USP3: variants seen among roughly 807,000 people sequenced by gnomAD.
USP3 encodes ubiquitin specific peptidase 3.
USP3 carries 20 observed loss-of-function variants against 72.3 expected under a neutral mutation model. The ratio of observed to expected loss-of-function variants is 0.28; its 90% CI spans 0.19 to 0.40. USP3 has a LOEUF of 0.40. Among genes scored for constraint, USP3 ranks in the 10% least tolerant of loss-of-function variants. USP3 has a pLI of 1.00. For missense variants in USP3, 479 were observed against 633.9 expected, an observed-to-expected ratio of 0.76 and a Z score of 2.62; for synonymous variants, 222 against 225.3, an observed-to-expected ratio of 0.99 and a Z score of 0.13.
chr15:63,543,513 G>A (rs2152664893), intron 3 of USP3, among the ~76,000 whole-genome samples: 1 of 152,306 alleles, frequency 6.6e-6, no homozygotes, highest in East Asian at 1.9e-4. Context: ...TTTGATGATT[G>A]TGTGCCATGA....
intron 11 of USP3, among the ~76,000 whole-genome samples, chr15:63,575,948 C>T (rs2066855482): frequency 6.6e-6 from 1 of 151,608 alleles, no homozygotes; most frequent in Non-Finnish European, 1.5e-5. Context: ...AAAAACTGTT[C>T]CTCGCTATAA....
At chr15:63,540,321 C>CGA (rs2066225665) in intron 3 of USP3, among the ~76,000 whole-genome samples, 1 of 152,214 alleles carries the variant, frequency 6.6e-6, no homozygotes, top group Admixed American at 6.5e-5. Context: ...CCTGAACTCA[C>CGA]AGCTCTTGGA....
At chr15:63,514,843 CACT>C (rs2065831100) in intron 1 of USP3, among the ~76,000 whole-genome samples, 1 of 152,046 alleles carries the variant, frequency 6.6e-6, no homozygotes. Flanking sequence ...GAAGTGCCAC[CACT>C]GTTTCACCAT....
intron 11 of USP3, among the ~76,000 whole-genome samples, chr15:63,584,472 C>T (rs1346605927): frequency 6.6e-6 from 1 of 152,168 alleles, no homozygotes; most frequent in Non-Finnish European, 1.5e-5. Context: ...TTTTAAATAA[C>T]AGCCATCCTA....
chr15:63,576,048 G>A (rs959621405), intron 11 of USP3, among the ~76,000 whole-genome samples: 4 of 148,574 alleles, frequency 2.7e-5, no homozygotes, highest in Non-Finnish European at 4.4e-5. Flanking sequence ...GTGCAGTGGC[G>A]CGATCTTGGC....
chr15:63,538,411 C>T (rs2066191688), intron 3 of USP3, among the ~76,000 whole-genome samples: 1 of 152,028 alleles, frequency 6.6e-6, no homozygotes, highest in Non-Finnish European at 1.5e-5. Flanking sequence ...TTAGAGAAGT[C>T]CAGATAACAA....
chr15:63,578,448 CAAA>C (rs760254496), intron 11 of USP3, among the ~76,000 whole-genome samples: 7 of 131,666 alleles, frequency 5.3e-5, no homozygotes, highest in African/African-American at 1.9e-4. Context: ...ACTAAAAATA[CAAA>C]AAAAAAAAAA....
intron 3 of USP3, among the ~76,000 whole-genome samples, chr15:63,546,706 TCTC>T (rs1404645932): frequency 2.0e-5 from 3 of 152,124 alleles, no homozygotes; most frequent in Non-Finnish European, 4.4e-5. Context: ...TTCACGCCAT[TCTC>T]CTGCCTCAGC....
chr15:63,534,916 G>GA (rs2066133132), intron 2 of USP3, among the ~76,000 whole-genome samples: 1 of 78,110 alleles, frequency 1.3e-5, no homozygotes. Flanking sequence ...CCTTTTATTT[G>GA]TTTATTTATT....
chr15:63,547,450 C>G (rs1245255951), intron 3 of USP3, among the ~76,000 whole-genome samples: 1 of 151,966 alleles, frequency 6.6e-6, no homozygotes, highest in Non-Finnish European at 1.5e-5. Flanking sequence ...TGAGTTATGG[C>G]CGGGCATAGT....
At chr15:63,509,324 A>G (rs1448197668) in intron 1 of USP3, among the ~76,000 whole-genome samples, 1 of 152,218 alleles carries the variant, frequency 6.6e-6, no homozygotes, top group Non-Finnish European at 1.5e-5. Flanking sequence ...TAAAGGAACT[A>G]TCACTTAGAT....
At chr15:63,508,602 T>C (rs184472560) in intron 1 of USP3, among the ~76,000 whole-genome samples, 106 of 152,336 alleles carry the variant, frequency 7.0e-4, no homozygotes, top group African/African-American at 2.5e-3. Context: ...CTTTTTGTTA[T>C]GTGCACATAC....
chr15:63,521,956 A>G (rs1053970444), intron 1 of USP3, among the ~76,000 whole-genome samples: 1 of 152,146 alleles, frequency 6.6e-6, no homozygotes, highest in Non-Finnish European at 1.5e-5. Flanking sequence ...TGATTTGTTT[A>G]TTTGAGACAA....
chr15:63,558,717 A>C (rs1426227417), intron 6 of USP3, among the ~76,000 whole-genome samples: 1 of 151,972 alleles, frequency 6.6e-6, no homozygotes, highest in African/African-American at 2.4e-5. Flanking sequence ...TCTACTAAAA[A>C]TACAAAAATT....
intron 9 of USP3, among the ~76,000 whole-genome samples, chr15:63,573,499 A>G (rs1209473851): frequency 6.6e-6 from 1 of 152,260 alleles, no homozygotes. Context: ...AGAATTTTCA[A>G]TTGTGAAGTC....
At chr15:63,581,547 C>G (rs2066962530) in intron 11 of USP3, among the ~76,000 whole-genome samples, 1 of 127,980 alleles carries the variant, frequency 7.8e-6, no homozygotes, top group African/African-American at 3.0e-5. Context: ...CCACACCCGG[C>G]TAATTTTTTT....
chr15:63,554,369 T>C (rs1222590741), intron 4 of USP3, among the ~76,000 whole-genome samples: 3 of 152,188 alleles, frequency 2.0e-5, no homozygotes, highest in African/African-American at 7.2e-5. Context: ...AAACTATTTA[T>C]ATGTGAACAG....
chr15:63,538,706 C>T (rs1480429865), intron 3 of USP3, among the ~76,000 whole-genome samples: 1 of 151,916 alleles, frequency 6.6e-6, no homozygotes, highest in Admixed American at 6.6e-5. Flanking sequence ...CCACCACTCC[C>T]GGCTAATTTT....
chr15:63,537,189 T>C (rs765733462), intron 3 of USP3, 33 bp downstream of exon 3: 16 of 1,605,438 alleles, frequency 1.0e-5, no homozygotes, highest in Non-Finnish European at 1.0e-5. Context: ...TGAGATTTCT[T>C]ACTGTGTGCA....
Sources: gnomAD v4.1 joint callset for allele counts (sites outside exome capture counted in the v4.1 genomes callset) on GRCh38, gnomAD v4.1.1 for gene constraint, MANE v1.5 for transcripts, NCBI Gene and HGNC (gene_info 2026-07-23, HGNC 2026-07-21) for gene names.